The following CUX2 variants were observed in gnomAD, a reference collection of about 807,000 sequenced individuals.
CUX2 encodes homeobox protein cut-like 2.
CUX2 carries 40 observed loss-of-function variants against 144.8 expected under a neutral mutation model. The observed-to-expected ratio is 0.28, with a 90% CI of 0.21 to 0.36. The LOEUF (loss-of-function observed/expected upper bound fraction) is 0.36, where lower values mean the gene tolerates loss of function less well. CUX2 is among the 10% of genes least tolerant of loss of function. The probability of loss-of-function intolerance (pLI) is 1.00; values close to 1 mark genes in which losing one functional copy is unlikely to be tolerated. For synonymous variants in CUX2, 827 were observed against 875.6 expected (o/e 0.94, Z 0.98); for missense variants, 1,615 against 1,994.0 (o/e 0.81, Z 3.62).
At chr12:111,334,118 C>T (rs1392268666) in intron 18 of CUX2, among the ~76,000 whole-genome samples, 1 of 136,172 alleles carries the variant, frequency 7.3e-6, no homozygotes, top group South Asian at 2.3e-4. Flanking sequence ...ACCCGGGAGG[C>T]GGAGGTTGCA....
intron 4 of CUX2, among the ~76,000 whole-genome samples, chr12:111,275,166 A>G (rs147122360): frequency 8.1e-4 from 124 of 152,286 alleles, no homozygotes; most frequent in African/African-American, 2.8e-3. Flanking sequence ...TTTGTGCCCC[A>G]GAGCAGGTTG....
intron 1 of CUX2, among the ~76,000 whole-genome samples, chr12:111,154,293 G>A (rs1170955306): frequency 6.6e-6 from 1 of 152,138 alleles, no homozygotes; most frequent in Non-Finnish European, 1.5e-5. Context: ...GCAAAAGTCA[G>A]ATGTGCCTGA....
intron 1 of CUX2, among the ~76,000 whole-genome samples, chr12:111,092,611 CT>C (rs1872613801): frequency 6.6e-6 from 1 of 152,098 alleles, no homozygotes; most frequent in Non-Finnish European, 1.5e-5. Context: ...GATCTGCTGC[CT>C]CCAAGAACAG....
At chr12:111,038,567 G>A (rs142958145) in intron 1 of CUX2, among the ~76,000 whole-genome samples, 1 of 152,346 alleles carries the variant, frequency 6.6e-6, no homozygotes, top group African/African-American at 2.4e-5. Flanking sequence ...CAAGTCCGTA[G>A]AACCCACACC....
At chr12:111,073,350 C>CTGTG (rs767954992) in intron 1 of CUX2, among the ~76,000 whole-genome samples, 50 of 152,236 alleles carry the variant, frequency 3.3e-4, no homozygotes, top group Non-Finnish European at 5.7e-4. Flanking sequence ...GTTGTCATTG[C>CTGTG]TGTGTAGCAT....
chr12:111,244,142 C>T (rs1379549008), intron 3 of CUX2, among the ~76,000 whole-genome samples: 1 of 151,968 alleles, frequency 6.6e-6, no homozygotes, highest in Non-Finnish European at 1.5e-5. Flanking sequence ...CCAGGCTGGT[C>T]TCGAAATCCT....
At chr12:111,042,568 C>A (rs1869801456) in intron 1 of CUX2, among the ~76,000 whole-genome samples, 1 of 152,204 alleles carries the variant, frequency 6.6e-6, no homozygotes, top group African/African-American at 2.4e-5. Flanking sequence ...CTGAGCCTCA[C>A]TTTTCTCATA....
chr12:111,251,929 C>T (rs1205196949), intron 3 of CUX2, among the ~76,000 whole-genome samples: 2 of 152,030 alleles, frequency 1.3e-5, no homozygotes, highest in East Asian at 1.9e-4. Flanking sequence ...CGTGTAATCC[C>T]GGCGCTTTAG....
Position 111,307,299 on chromosome 12 carries a change from C to T in CUX2, c.1109+42C>T, listed in dbSNP as rs762321026. 6.3e-7 allele frequency: 1 copy of T among 1,586,846 alleles called. No homozygotes were observed. Among genetic ancestry groups the T allele is most frequent in the Non-Finnish European group, 8.6e-7 (1 of 1,159,218 alleles). On this transcript the variant is annotated intron_variant, in intron 12 of 21. Transcript: ENST00000261726. The surrounding 1 kb of genome is among the most constrained non-coding windows in gnomAD (Gnocchi z 4.1). ...GGCTCCACAGACCCTCAGTGCTCTT[C>T]CCTGGCCAGGAGCTCTTGGCAAAGT... is the stretch of plus-strand genomic sequence containing the variant.
rs762518981 is a variant in CUX2, at chr12:111,307,301, C to G, written c.1109+44C>G. ...CTCCACAGACCCTCAGTGCTCTTCC[C>G]TGGCCAGGAGCTCTTGGCAAAGTTC... On this transcript the variant is annotated intron_variant, in intron 12 of 21. Coordinates refer to ENST00000261726, the MANE Select transcript of CUX2 (RefSeq NM_015267.4). This position sits in a 1 kb window ranked among gnomAD's most constrained non-coding sequence, Gnocchi z 4.1. The G allele has an allele frequency of 6.3e-7, 1 of 1,582,354 alleles. No homozygotes were observed. The highest frequency in any genetic ancestry group is 2.2e-5 in the East Asian group (1 of 44,702).
intron 1 of CUX2, among the ~76,000 whole-genome samples, chr12:111,042,633 TTTA>T (rs1444651071): frequency 2.0e-5 from 3 of 152,154 alleles, no homozygotes; most frequent in South Asian, 2.1e-4. Context: ...TGTGAGGACT[TTTA>T]TTATTATTTT....
chr12:111,249,942 C>T (rs532575901), intron 3 of CUX2, among the ~76,000 whole-genome samples: 1 of 152,246 alleles, frequency 6.6e-6, no homozygotes, highest in Non-Finnish European at 1.5e-5. Flanking sequence ...TCACTATAGT[C>T]CATACTTTAC....
chr12:111,143,337 C>T (rs1876455597), intron 1 of CUX2, among the ~76,000 whole-genome samples: 5 of 152,128 alleles, frequency 3.3e-5, no homozygotes, highest in South Asian at 2.1e-4. Context: ...GACTAATATG[C>T]GGGTGTCGGA....
chr12:111,163,367 G>A (rs1464669888), intron 1 of CUX2, among the ~76,000 whole-genome samples: 2 of 152,190 alleles, frequency 1.3e-5, no homozygotes, highest in South Asian at 2.1e-4. Flanking sequence ...CATTGTAACC[G>A]AATAGTGACG....
At chr12:111,343,493 C>T (rs1268516434) in intron 21 of CUX2, among the ~76,000 whole-genome samples, 4 of 152,110 alleles carry the variant, frequency 2.6e-5, no homozygotes, top group African/African-American at 9.7e-5. Context: ...GAAGAAAATC[C>T]ACTCATCCAT....
intron 4 of CUX2, among the ~76,000 whole-genome samples, chr12:111,288,317 G>A (rs1885497712): frequency 6.6e-6 from 1 of 152,116 alleles, no homozygotes; most frequent in African/African-American, 2.4e-5. Context: ...CTGGTGCCAT[G>A]TGGAGCATTT....
chr12:111,133,516 A>C (rs997331971), intron 1 of CUX2, among the ~76,000 whole-genome samples: 2 of 152,220 alleles, frequency 1.3e-5, no homozygotes, highest in Admixed American at 6.5e-5. Context: ...AGTTACTATC[A>C]TGAGAACAGC....
chr12:111,240,253 G>A (rs1181214038), intron 3 of CUX2, among the ~76,000 whole-genome samples: 1 of 152,220 alleles, frequency 6.6e-6, no homozygotes, highest in African/African-American at 2.4e-5. Context: ...AAGCAAAACT[G>A]GGCCTCCCAG....
In CUX2 at chr12:111,291,526, G is replaced by C. The variant is rs974596319; in HGVS notation, c.410G>C (p.Arg137Thr). Residue 137 changes from arginine to threonine, a missense_variant, in exon 5 of 22, where the codon AGG becomes ACG. By Grantham distance (71) the Arg-to-Thr change is moderately conservative. Around this residue, in one of 12 missense-constraint regions of CUX2, gnomAD observed 295 missense variants for 400.2 expected, o/e 0.74. Coordinates refer to ENST00000261726, the MANE Select transcript of CUX2 (RefSeq NM_015267.4). ...CGAGACCTCCACACTTCGTGGAAGAGGAACCCCGAGCTCCTCAGCCCCAAA... is the reference window on the plus strand; with the variant it reads ...CGAGACCTCCACACTTCGTGGAAGACGAACCCCGAGCTCCTCAGCCCCAAA... ...PRRDLHTSWK[R>T]NPELLSPKEQ... is the part of the protein sequence containing the mutation. 7 of 1,610,936 alleles carry C rather than the reference G, an allele frequency of 4.3e-6. No homozygotes were observed. In the East Asian group the frequency reaches 8.9e-5, roughly 21 times the overall value.
Sources: allele counts gnomAD v4.1 joint callset (sites outside exome capture counted in the v4.1 genomes callset), GRCh38; gene constraint gnomAD v4.1.1; regional missense constraint gnomAD v4.1.1; non-coding constraint Gnocchi (gnomAD v3.1); transcripts MANE v1.5; gene names NCBI Gene and HGNC (gene_info 2026-07-23, HGNC 2026-07-21).